LIN54: variants seen among roughly 807,000 people sequenced by gnomAD.
The protein encoded by LIN54 is lin-54 DREAM MuvB core complex component, also known as protein lin-54 homolog.
A neutral mutation model predicts 78.7 loss-of-function variants in LIN54; 9 were observed. The ratio of observed to expected loss-of-function variants is 0.11; its 90% CI spans 0.07 to 0.20. LIN54 has a LOEUF of 0.20. Ranked by LOEUF, LIN54 falls within the 10% of genes least tolerant of loss-of-function variation. LIN54 has a pLI of 1.00. For synonymous variants in LIN54, 269 were observed against 318.4 expected, an observed-to-expected ratio of 0.84 and a Z score of 1.65; for missense variants, 573 against 889.9, an observed-to-expected ratio of 0.64 and a Z score of 4.53.
rs1214264708 is a variant in LIN54, at chr4:82,942,860, GCACACA to G, written c.1169-2904_1169-2899del. Among the ~76,000 whole-genome samples, 227 of 38,540 alleles carry G rather than the reference GCACACA, an allele frequency of 5.9e-3. 1 individual carries two copies. The highest frequency in any genetic ancestry group is 0.036 in the African/African-American group (211 of 5,804). 25.3% of individuals were successfully genotyped at this position (38,540 alleles called of 152,430 possible). On this transcript the variant is annotated intron_variant, in intron 5 of 12. Coordinates refer to ENST00000340417, the MANE Select transcript of LIN54 (RefSeq NM_194282.4). ...TGCACAAATGTGTGCGTGTGCGCGC[GCACACA>G]CACACACACACACACACACACACAC...
intron 4 of LIN54, among the ~76,000 whole-genome samples, chr4:82,954,579 G>C (rs1052571791): frequency 6.6e-6 from 1 of 151,914 alleles, no homozygotes; most frequent in Non-Finnish European, 1.5e-5. Context: ...CACCATGCCC[G>C]GCTAATTTTT....
At chr4:82,935,263 T>G (rs1487704032) in intron 11 of LIN54, among the ~76,000 whole-genome samples, 1 of 148,150 alleles carries the variant, frequency 6.7e-6, no homozygotes, top group Admixed American at 6.8e-5. Context: ...TGTATCCATA[T>G]ATATATATAT....
chr4:83,002,754 T>C (rs1560798219), intron 1 of LIN54, among the ~76,000 whole-genome samples: 2 of 152,242 alleles, frequency 1.3e-5, no homozygotes, highest in Non-Finnish European at 2.9e-5. Context: ...TTCTCTAGCA[T>C]ACTTTATTGT....
rs1432152595 is a variant in LIN54, at chr4:82,963,876, A to T, written c.951+6451T>A. ...CAATTACATTAAATATAAAGGGTTT[A>T]AAATATTTTTATATTGACCATGTTA... On this transcript the variant is annotated intron_variant, in intron 4 of 12. Transcript: ENST00000340417. 2.6e-5 allele frequency among the ~76,000 whole-genome samples: 4 copies of T among 152,346 alleles called. No homozygotes were observed. The East Asian group carries it at 7.7e-4, about 29-fold the overall frequency.
intron 3 of LIN54, among the ~76,000 whole-genome samples, chr4:82,976,342 GA>G (rs961803612): frequency 4.2e-5 from 6 of 143,260 alleles, no homozygotes; most frequent in African/African-American, 1.5e-4. Flanking sequence ...CTGAAACATA[GA>G]AAAAGATAGT....
upstream of LIN54, among the ~76,000 whole-genome samples, chr4:83,012,455 G>A (rs1015210987): frequency 4.6e-5 from 7 of 152,138 alleles, no homozygotes; most frequent in African/African-American, 1.4e-4. Context: ...TTGTTGGGTC[G>A]CGCAGTGTGC....
chr4:83,003,124 C>T (rs1687084838), intron 1 of LIN54, among the ~76,000 whole-genome samples: 2 of 152,162 alleles, frequency 1.3e-5, no homozygotes, highest in South Asian at 2.1e-4. Context: ...AGTGATTCTC[C>T]CGCCTCAGCC....
rs1382062522 is a variant in LIN54 at position 82,938,656 on chromosome 4, T to G, written c.1441-152A>C. ...CAAACACATACTTCACAGAGCTCTT[T>G]TAAAGACTCAAACCAATACTATAGG... On this transcript the variant is annotated intron_variant, in intron 7 of 12. Coordinates refer to ENST00000340417, the MANE Select transcript of LIN54 (RefSeq NM_194282.4). 3 of 595,198 alleles carry G rather than the reference T, an allele frequency of 5.0e-6. No individual in the cohort carries two copies. The African/African-American group carries it at 5.6e-5, about 11-fold the overall frequency. The allele number at this position is 595,198 out of a possible 1,614,324, so 36.9% of individuals were successfully genotyped here. A position where few individuals can be genotyped will look rare whatever the true frequency, so the allele number is the denominator to read the frequency against.
intron 4 of LIN54, among the ~76,000 whole-genome samples, chr4:82,967,003 G>A (rs1044587218): frequency 1.3e-5 from 2 of 152,006 alleles, no homozygotes; most frequent in Non-Finnish European, 2.9e-5. Flanking sequence ...GCCGAGGCAG[G>A]CAGATCATGA....
intron 4 of LIN54, among the ~76,000 whole-genome samples, chr4:82,947,235 A>ATATATATATTTTTTTTTTTTTTTTT: frequency 2.3e-5 from 1 of 44,292 alleles, no homozygotes; most frequent in African/African-American, 1.0e-4. Flanking sequence ...ATATATATAT[A>ATATATATATTTTTTTTTTTTTTTTT]TTTTTTTTTT....
chr4:82,996,263 G>A (rs1015253209), intron 1 of LIN54, among the ~76,000 whole-genome samples: 2 of 152,002 alleles, frequency 1.3e-5, no homozygotes, highest in African/African-American at 4.8e-5. Context: ...TATGTTGAAG[G>A]CCACTCCAAG....
At chr4:82,989,145 G>A (rs1027270212) in intron 1 of LIN54, among the ~76,000 whole-genome samples, 4 of 151,550 alleles carry the variant, frequency 2.6e-5, no homozygotes, top group African/African-American at 4.9e-5. Flanking sequence ...CCAAGATCAC[G>A]TCACTGCACT....
At position 82,970,327 on chromosome 4, in the gene LIN54, C is replaced by T; in HGVS notation, c.951G>A (p.Lys317=). The T allele has an allele frequency of 6.3e-7, 1 of 1,599,772 alleles. No individual in the cohort carries two copies. Residue 317 remains lysine (K), a splice_region_variant and synonymous_variant, in exon 4 of 13, where the codon AAG becomes AAA. Coordinates refer to ENST00000340417, the MANE Select transcript of LIN54 (RefSeq NM_194282.4). ...ATTTGTGGCTAATTTATTTTTTTAC[C>T]TTATTTGGCGATTTCAAAGGTGAGA... ...IAISPLKSPN[K]AVKSTVQTIT...
Position 83,010,795 on chromosome 4 carries a change from G to T in LIN54, c.-344C>A. ...GCAGCTTCCCCGACAGCCGGAGCCCGGGCCGCCGCCGCCGCCGCCACCACC... is the reference window on the plus strand; with the variant it reads ...GCAGCTTCCCCGACAGCCGGAGCCCTGGCCGCCGCCGCCGCCGCCACCACC... On this transcript the variant is annotated 5_prime_UTR_variant, in exon 1 of 13. Transcript: ENST00000340417. The T allele has an allele frequency of 8.1e-7, 1 of 1,231,678 alleles. No homozygotes were observed. The highest frequency in any genetic ancestry group is 1.0e-6 in the Non-Finnish European group (1 of 988,700). 76.3% of individuals were successfully genotyped at this position (1,231,678 alleles called of 1,614,324 possible).
chr4:82,957,646 T>C (rs974448235), intron 4 of LIN54, among the ~76,000 whole-genome samples: 3 of 152,192 alleles, frequency 2.0e-5, no homozygotes, highest in Non-Finnish European at 4.4e-5. Context: ...TTCTAAACCA[T>C]ACCCATAGAA....
At chr4:82,933,524 G>A (rs1001142616) in intron 11 of LIN54, among the ~76,000 whole-genome samples, 16 of 152,052 alleles carry the variant, frequency 1.1e-4, no homozygotes, top group African/African-American at 3.4e-4. Context: ...CAAACCAACA[G>A]GATTAAAAAG....
At position 82,928,107 on chromosome 4, in the gene LIN54, A is replaced by G; in HGVS notation, c.2245T>C (p.Cys749Arg). The G allele has an allele frequency of 6.2e-7, 1 of 1,613,804 alleles. No individual in the cohort carries two copies. ...KAKSDPCAMN[C>R] Reference sequence around the variant, plus strand: ...ATCAGTCTTTTGTGCAAGAGTTAGCAATTCATGGCACAAGGGTCACTTTTT... The same window carrying G: ...ATCAGTCTTTTGTGCAAGAGTTAGCGATTCATGGCACAAGGGTCACTTTTT... Residue 749 changes from cysteine to arginine, a missense_variant, in exon 13 of 13, where the codon TGC becomes CGC. Coordinates refer to ENST00000340417, the MANE Select transcript of LIN54 (RefSeq NM_194282.4).
At chr4:82,965,074 G>A (rs138207679) in intron 4 of LIN54, among the ~76,000 whole-genome samples, 5 of 152,176 alleles carry the variant, frequency 3.3e-5, no homozygotes, top group African/African-American at 4.8e-5. Flanking sequence ...TGTATTTCTT[G>A]TATTTCTGAG....
In LIN54 at chr4:82,928,497, T is replaced by C. The variant is rs752857795; in HGVS notation, c.2049-194A>G. On this transcript the variant is annotated intron_variant, in intron 12 of 12. Transcript: ENST00000340417. ...AGTTAAATTTGGTTTTATTCACATA[T>C]TGTAAGAATATTGTTCAGGAAATTT... Among the ~76,000 whole-genome samples the C allele has an allele frequency of 9.8e-5, 15 of 152,362 alleles. No individual in the cohort carries two copies. The East Asian group carries it at 2.9e-3, about 29-fold the overall frequency.
Sources: allele counts gnomAD v4.1 joint callset (sites outside exome capture counted in the v4.1 genomes callset), GRCh38; gene constraint gnomAD v4.1.1; transcripts MANE v1.5; gene names NCBI Gene and HGNC (gene_info 2026-07-23, HGNC 2026-07-21).